SYT1: variants seen among roughly 807,000 people sequenced by gnomAD.
SYT1 encodes the protein synaptotagmin-1.
A neutral mutation model predicts 44.8 loss-of-function variants in SYT1; 8 were observed. That is an observed-to-expected ratio of 0.18 (90% CI 0.10 to 0.32). The LOEUF (loss-of-function observed/expected upper bound fraction) is 0.32. SYT1 is among the 10% of genes least tolerant of loss of function. The probability of loss-of-function intolerance (pLI) is 1.00; values close to 1 mark genes in which losing one functional copy is unlikely to be tolerated. For synonymous variants in SYT1, 154 were observed against 188.8 expected, an observed-to-expected ratio of 0.82 and a Z score of 1.51; for missense variants, 286 against 509.3, an observed-to-expected ratio of 0.56 and a Z score of 4.22.
chr12:79,418,782 A>T (rs2136150216), intron 9 of SYT1, among the ~76,000 whole-genome samples: 2 of 152,306 alleles, frequency 1.3e-5, no homozygotes, highest in South Asian at 4.1e-4. Flanking sequence ...CGTGGTAACC[A>T]ATGGCCCTGA....
chr12:79,264,206 A>C (rs1877996874), intron 4 of SYT1, among the ~76,000 whole-genome samples: 2 of 147,524 alleles, frequency 1.4e-5, no homozygotes, highest in Admixed American at 1.3e-4. Context: ...TTTGAGATGG[A>C]GTCTCCTGTG....
chr12:79,002,658 A>T (rs1870818835), intron 2 of SYT1, among the ~76,000 whole-genome samples: 2 of 151,946 alleles, frequency 1.3e-5, no homozygotes. Flanking sequence ...TTATATTCCA[A>T]GTCTCCTCTA....
intron 4 of SYT1, among the ~76,000 whole-genome samples, chr12:79,226,518 C>T (rs1875529942): frequency 6.6e-6 from 1 of 152,096 alleles, no homozygotes; most frequent in African/African-American, 2.4e-5. Flanking sequence ...TGACCAGCAA[C>T]CTGAAATAAC....
intron 9 of SYT1, among the ~76,000 whole-genome samples, chr12:79,438,176 G>A (rs11114116): frequency 0.11 from 17,306 of 152,058 alleles, 1,014 homozygotes; most frequent in Middle Eastern, 0.13. Flanking sequence ...TGATGGAGAA[G>A]GACAGTAATT....
chr12:79,024,102 G>C (rs1180373694), intron 2 of SYT1, among the ~76,000 whole-genome samples: 1 of 151,808 alleles, frequency 6.6e-6, no homozygotes, highest in Admixed American at 6.6e-5. Flanking sequence ...GAGGAAGTGT[G>C]AAGGGCAAAC....
intron 8 of SYT1, among the ~76,000 whole-genome samples, chr12:79,314,370 A>C (rs962934162): frequency 6.6e-6 from 1 of 151,966 alleles, no homozygotes; most frequent in Admixed American, 6.6e-5. Flanking sequence ...ATCTGAGCCT[A>C]GATACCATGT....
chr12:79,346,028 C>T (rs1034568856), intron 8 of SYT1, among the ~76,000 whole-genome samples: 1 of 152,182 alleles, frequency 6.6e-6, no homozygotes, highest in Non-Finnish European at 1.5e-5. Flanking sequence ...TAAAATGTCA[C>T]AGCATTAATT....
At chr12:79,154,919 A>T (rs1305460701) in intron 3 of SYT1, among the ~76,000 whole-genome samples, 1 of 152,170 alleles carries the variant, frequency 6.6e-6, no homozygotes, top group East Asian at 1.9e-4. Flanking sequence ...CTACCAAGAA[A>T]CATATGAAAG....
At chr12:79,232,654 C>G (rs897226912) in intron 4 of SYT1, among the ~76,000 whole-genome samples, 1 of 152,136 alleles carries the variant, frequency 6.6e-6, no homozygotes, top group African/African-American at 2.4e-5. Flanking sequence ...CAAGTTTATA[C>G]TTTGCATATG....
intron 9 of SYT1, among the ~76,000 whole-genome samples, chr12:79,422,675 GCTCTCT>G (rs151278469): frequency 1.4e-5 from 2 of 147,864 alleles, no homozygotes; most frequent in Non-Finnish European, 3.0e-5. Flanking sequence ...GGTTGCTCGT[GCTCTCT>G]CTCTCTCTCT....
chr12:79,292,024 A>T lies in SYT1; in HGVS notation c.368A>T (p.Asp123Val). 1 of 1,613,980 alleles carries T rather than the reference A, an allele frequency of 6.2e-7. No individual in the cohort carries two copies. Among genetic ancestry groups the T allele is most frequent in the Non-Finnish European group, 8.5e-7 (1 of 1,179,998 alleles). The change falls in exon 6 of 11, where the codon GAT becomes GTT. Residue 123 changes from aspartate to valine, a missense_variant. Physicochemically the swap from Asp to Val is radical, Grantham distance 152. Transcript: ENST00000261205. ...TATACATAGGCCCTCAAGGATGATG[A>T]TGCTGAAACTGGATTGACAGATGGA... ...TMKDQALKDD[D>V]AETGLTDGEE...
chr12:79,056,074 A>G (rs1259375582), intron 3 of SYT1, among the ~76,000 whole-genome samples: 1 of 152,064 alleles, frequency 6.6e-6, no homozygotes, highest in Non-Finnish European at 1.5e-5. Context: ...GCTAAACCAT[A>G]CAGCCTAGGT....
intron 3 of SYT1, among the ~76,000 whole-genome samples, chr12:79,128,130 C>T (rs1009026198): frequency 3.9e-5 from 6 of 152,138 alleles, no homozygotes; most frequent in Non-Finnish European, 7.4e-5. Context: ...GAGTGGCTCA[C>T]ACCTATAATC....
intron 3 of SYT1, among the ~76,000 whole-genome samples, chr12:79,207,047 T>A (rs1874169174): frequency 6.6e-6 from 1 of 152,198 alleles, no homozygotes; most frequent in African/African-American, 2.4e-5. Flanking sequence ...TTTTCATAGT[T>A]TAAATTCCTA....
intron 3 of SYT1, among the ~76,000 whole-genome samples, chr12:79,127,745 G>T (rs1027943294): frequency 6.6e-6 from 1 of 152,190 alleles, no homozygotes; most frequent in Non-Finnish European, 1.5e-5. Context: ...CACAGAAGAC[G>T]AAAAGCTCAT....
chr12:79,197,778 A>G (rs576880811), intron 3 of SYT1, among the ~76,000 whole-genome samples: 11 of 152,322 alleles, frequency 7.2e-5, no homozygotes, highest in Non-Finnish European at 1.0e-4. Context: ...TGTCTGTAGT[A>G]TTTAAAATCC....
At chr12:79,086,045 T>C (rs1438340974) in intron 3 of SYT1, among the ~76,000 whole-genome samples, 1 of 152,160 alleles carries the variant, frequency 6.6e-6, no homozygotes, top group Non-Finnish European at 1.5e-5. Context: ...ACTTAACTAC[T>C]CTACAAGCAG....
At chr12:78,950,226 C>T (rs1175518648) in intron 1 of SYT1, among the ~76,000 whole-genome samples, 1 of 152,026 alleles carries the variant, frequency 6.6e-6, no homozygotes, top group African/African-American at 2.4e-5. Context: ...GAGGCATAAG[C>T]ATTTTATATC....
chr12:79,184,722 T>C (rs1872715329), intron 3 of SYT1, among the ~76,000 whole-genome samples: 1 of 152,094 alleles, frequency 6.6e-6, no homozygotes, highest in African/African-American at 2.4e-5. Flanking sequence ...AACTCTTATG[T>C]TTCAGCTCTT....
Sources: gnomAD v4.1 joint callset for allele counts (sites outside exome capture counted in the v4.1 genomes callset) on GRCh38, gnomAD v4.1.1 for gene constraint, MANE v1.5 for transcripts, NCBI Gene and HGNC (gene_info 2026-07-23, HGNC 2026-07-21) for gene names.